CADM2: variants seen among roughly 807,000 people sequenced by gnomAD.
CADM2 encodes the protein immunoglobulin superfamily member 4D.
Under a neutral mutation model 49.8 loss-of-function variants are expected in CADM2, and 12 were observed. The ratio of observed to expected loss-of-function variants is 0.24; its 90% CI spans 0.15 to 0.39. CADM2 has a LOEUF of 0.39. CADM2 is among the 10% of genes least tolerant of loss of function. The pLI is 1.00. For synonymous variants in CADM2, 214 were observed against 175.4 expected, an observed-to-expected ratio of 1.22 and a Z score of -1.74; for missense variants, 378 against 492.3, an observed-to-expected ratio of 0.77 and a Z score of 2.20.
chr3:85,205,668 A>C (rs559025928), intron 1 of CADM2, among the ~76,000 whole-genome samples: 1 of 152,258 alleles, frequency 6.6e-6, no homozygotes, highest in South Asian at 2.1e-4. Context: ...AATAAAAATA[A>C]CTTGATACCA....
At chr3:85,189,883 TCAG>T (rs1486767529) in intron 1 of CADM2, among the ~76,000 whole-genome samples, 1 of 96,062 alleles carries the variant, frequency 1.0e-5, no homozygotes, top group Non-Finnish European at 1.9e-5. Context: ...GGAGATATTA[TCAG>T]TATCAGTTCC....
intron 1 of CADM2, among the ~76,000 whole-genome samples, chr3:85,456,733 C>A (rs1211072802): frequency 1.3e-5 from 2 of 151,692 alleles, no homozygotes; most frequent in Non-Finnish European, 2.9e-5. Context: ...TATAGGCCTA[C>A]TTTTTTCAGT....
At chr3:85,717,848 AC>A (rs2067352866) in intron 1 of CADM2, among the ~76,000 whole-genome samples, 1 of 152,084 alleles carries the variant, frequency 6.6e-6, no homozygotes, top group African/African-American at 2.4e-5. Flanking sequence ...GCTCACTGCA[AC>A]CTCTGCCTCC....
At chr3:85,630,980 C>G (rs998025099) in intron 1 of CADM2, among the ~76,000 whole-genome samples, 14 of 151,912 alleles carry the variant, frequency 9.2e-5, no homozygotes, top group African/African-American at 3.4e-4. Context: ...CTTTCTATTT[C>G]TCTGGCTATA....
At position 85,568,150 on chromosome 3, in the gene CADM2, A is replaced by G. The variant is rs569710188; in HGVS notation, c.62-158372A>G. The stretch of plus-strand genomic sequence containing the variant: ...CTTAATTCCATCAAATTGACAGCTC[A>G]AATCACAGAGGGGAAGAGGGGGAAC... On this transcript the variant is annotated intron_variant, in intron 1 of 9. Coordinates refer to ENST00000383699, the MANE Select transcript of CADM2 (RefSeq NM_001167675.2). Among the ~76,000 whole-genome samples the G allele has an allele frequency of 5.1e-4, 78 of 152,316 alleles. 1 individual carries two copies. The highest frequency in any genetic ancestry group is 1.7e-3 in the African/African-American group (71 of 41,584).
At chr3:85,778,235 T>G (rs1329342431) in intron 2 of CADM2, among the ~76,000 whole-genome samples, 1 of 152,230 alleles carries the variant, frequency 6.6e-6, no homozygotes, top group African/African-American at 2.4e-5. Flanking sequence ...TTGTGTTTCC[T>G]GTTTCTCAGG....
At chr3:85,070,037 T>A (rs551833169) in intron 1 of CADM2, among the ~76,000 whole-genome samples, 2 of 152,294 alleles carry the variant, frequency 1.3e-5, no homozygotes, top group South Asian at 4.1e-4. Context: ...TTCAACTTCT[T>A]CGAATTTTTT....
At chr3:85,901,052 C>T (rs1205220269) in intron 5 of CADM2, among the ~76,000 whole-genome samples, 1 of 152,108 alleles carries the variant, frequency 6.6e-6, no homozygotes, top group Non-Finnish European at 1.5e-5. Flanking sequence ...CAAAAATTAG[C>T]TGGGCGTGGT....
intron 1 of CADM2, among the ~76,000 whole-genome samples, chr3:85,678,388 A>G (rs1388747919): frequency 1.3e-5 from 2 of 152,170 alleles, no homozygotes; most frequent in African/African-American, 2.4e-5. Context: ...TTAGAATCCT[A>G]GGCTATATCC....
chr3:85,002,479 T>A (rs1024635568), intron 1 of CADM2, among the ~76,000 whole-genome samples: 5 of 152,124 alleles, frequency 3.3e-5, no homozygotes, highest in Admixed American at 2.6e-4. Context: ...GCAAAAATAC[T>A]GTAAAGGCAT....
chr3:85,910,032 T>A (rs1717366951), intron 5 of CADM2, among the ~76,000 whole-genome samples: 1 of 152,206 alleles, frequency 6.6e-6, no homozygotes, highest in Admixed American at 6.5e-5. Flanking sequence ...TACACTTTTG[T>A]TTATTTTACT....
intron 1 of CADM2, among the ~76,000 whole-genome samples, chr3:85,407,789 C>G (rs1254818017): frequency 6.6e-6 from 1 of 151,904 alleles, no homozygotes; most frequent in Non-Finnish European, 1.5e-5. Flanking sequence ...TCTAGATGAG[C>G]TTGGTCAACA....
intron 2 of CADM2, among the ~76,000 whole-genome samples, chr3:85,749,162 A>G (rs2107852312): frequency 6.6e-6 from 1 of 151,998 alleles, no homozygotes; most frequent in South Asian, 2.1e-4. Flanking sequence ...TTTTGAAACA[A>G]AAGAATTCAA....
chr3:85,275,643 C>A (rs2043339608), intron 1 of CADM2, among the ~76,000 whole-genome samples: 1 of 151,194 alleles, frequency 6.6e-6, no homozygotes, highest in South Asian at 2.1e-4. Context: ...CTTCTGCTCT[C>A]AAATTGTTAC....
intron 1 of CADM2, among the ~76,000 whole-genome samples, chr3:85,427,455 C>T (rs576463981): frequency 6.6e-6 from 1 of 151,700 alleles, no homozygotes; most frequent in East Asian, 1.9e-4. Flanking sequence ...TTTCAGAGTA[C>T]AAAAGATAAC....
At chr3:84,963,681 T>C (rs896644094) in intron 1 of CADM2, among the ~76,000 whole-genome samples, 4 of 152,144 alleles carry the variant, frequency 2.6e-5, no homozygotes. Flanking sequence ...TTAAATCTCA[T>C]TGGACGTACA....
intron 1 of CADM2, among the ~76,000 whole-genome samples, chr3:85,111,635 G>A (rs2038461938): frequency 6.8e-6 from 1 of 147,812 alleles, no homozygotes. Context: ...TTGTGGAGGA[G>A]GTGGAGATGG....
intron 1 of CADM2, among the ~76,000 whole-genome samples, chr3:85,326,316 G>A (rs972571185): frequency 1.3e-5 from 2 of 151,996 alleles, no homozygotes; most frequent in Non-Finnish European, 2.9e-5. Flanking sequence ...CAAGAAAATG[G>A]TAATTCTACA....
At chr3:85,654,933 A>G (rs1030389627) in intron 1 of CADM2, among the ~76,000 whole-genome samples, 6 of 152,208 alleles carry the variant, frequency 3.9e-5, no homozygotes, top group Non-Finnish European at 8.8e-5. Context: ...TAGAGTTGGA[A>G]AAAACTTAGA....
Sources: allele counts gnomAD v4.1 joint callset (sites outside exome capture counted in the v4.1 genomes callset), GRCh38; gene constraint gnomAD v4.1.1; transcripts MANE v1.5; gene names NCBI Gene and HGNC (gene_info 2026-07-23, HGNC 2026-07-21).